PDE1C: variants seen among roughly 807,000 people sequenced by gnomAD.
The protein encoded by PDE1C is dual specificity calcium/calmodulin-dependent 3',5'-cyclic nucleotide phosphodiesterase 1C.
PDE1C carries 62 observed loss-of-function variants against 93.1 expected under a neutral mutation model. The observed-to-expected ratio is 0.67, with a 90% confidence interval of 0.54 to 0.82. PDE1C has a LOEUF of 0.82. Ranked by LOEUF, PDE1C falls within the 40% of genes least tolerant of loss-of-function variation. The probability of loss-of-function intolerance (pLI) is 0.00; values close to 1 mark genes in which losing one functional copy is unlikely to be tolerated. For missense variants in PDE1C, 742 were observed against 884.6 expected, an observed-to-expected ratio of 0.84 and a Z score of 2.04; for synonymous variants, 325 against 310.1, an observed-to-expected ratio of 1.05 and a Z score of -0.50.
chr7:32,217,089 C>T (rs1294844129), intron 1 of PDE1C, among the ~76,000 whole-genome samples: 2 of 152,196 alleles, frequency 1.3e-5, no homozygotes, highest in Admixed American at 6.5e-5. Context: ...AAGCTACTGA[C>T]AAAGGGAGGA....
chr7:31,643,824 G>A, the PDE1C span: 3 of 1,613,944 alleles, frequency 1.9e-6, no homozygotes, highest in Non-Finnish European at 2.5e-6. Context: ...GCCACGGGGA[G>A]AGGCAAAGCC....
At chr7:31,672,526 T>G in the PDE1C span, among the ~76,000 whole-genome samples, 5 of 152,126 alleles carry the variant, frequency 3.3e-5, no homozygotes, top group African/African-American at 1.2e-4. Context: ...GGTAATGAGG[T>G]TATACATTTT....
Position 32,335,956 on chromosome 7 carries a change from C to T in PDE1C, c.310+91866G>A, listed in dbSNP as rs545108032. ...TGTTGCCCAGAGTGATCTCAAACAC[C>T]TGGGCTTACAGGCATGAGTCACCAC... On this transcript the variant is annotated intron_variant, in intron 1 of 1. Coordinates refer to the PDE1C transcript ENST00000672256. 8.5e-5 allele frequency among the ~76,000 whole-genome samples: 13 copies of T among 152,152 alleles called. No homozygotes were observed. The South Asian group carries it at 2.7e-3, about 32-fold the overall frequency.
chr7:32,099,613 C>T (rs1017292802), intron 3 of PDE1C, among the ~76,000 whole-genome samples: 7 of 152,160 alleles, frequency 4.6e-5, no homozygotes, highest in Non-Finnish European at 1.0e-4. Flanking sequence ...CTCTGGATTC[C>T]TTTTATTTGC....
intron 2 of PDE1C, among the ~76,000 whole-genome samples, chr7:32,022,551 G>A (rs774904930): frequency 2.6e-5 from 4 of 152,008 alleles, no homozygotes; most frequent in Non-Finnish European, 5.9e-5. Flanking sequence ...AGCACAGAAG[G>A]TGGTATCGGG....
chr7:31,925,061 G>C (rs1170800176), intron 2 of PDE1C, among the ~76,000 whole-genome samples: 2 of 137,042 alleles, frequency 1.5e-5, no homozygotes, highest in African/African-American at 5.8e-5. Context: ...GTGTGTGTGT[G>C]TGTGTGTGTG....
intron 3 of PDE1C, among the ~76,000 whole-genome samples, chr7:32,108,230 C>CAAAAAAAAAAAAAAAAA (rs71559210): frequency 3.9e-5 from 3 of 77,062 alleles, no homozygotes; most frequent in African/African-American, 5.1e-5. Context: ...AAAAGCAAGA[C>CAAAAAAAAAAAAAAAAA]AAAAAAAAAA....
At chr7:31,998,180 C>T (rs1784985828) in intron 2 of PDE1C, among the ~76,000 whole-genome samples, 1 of 151,874 alleles carries the variant, frequency 6.6e-6, no homozygotes, top group African/African-American at 2.4e-5. Flanking sequence ...CCACTATGCC[C>T]AGCTAATTTT....
intron 2 of PDE1C, among the ~76,000 whole-genome samples, chr7:32,000,176 G>T (rs908972204): frequency 6.6e-6 from 1 of 152,096 alleles, no homozygotes; most frequent in Non-Finnish European, 1.5e-5. Context: ...GGGCTTCACC[G>T]CTCAGGAAAG....
intron 2 of PDE1C, among the ~76,000 whole-genome samples, chr7:31,965,042 T>G (rs916519846): frequency 6.6e-6 from 1 of 152,086 alleles, no homozygotes; most frequent in Non-Finnish European, 1.5e-5. Context: ...ACTCTAAAAA[T>G]CAGAGTGCCT....
downstream of PDE1C, among the ~76,000 whole-genome samples, chr7:31,747,447 G>T (rs1029804114): frequency 6.6e-6 from 1 of 152,096 alleles, no homozygotes; most frequent in African/African-American, 2.4e-5. Context: ...TTTTGAAACC[G>T]ACTATGCTAG....
intron 2 of PDE1C, among the ~76,000 whole-genome samples, chr7:31,900,787 C>T (rs763723275): frequency 1.3e-5 from 2 of 151,724 alleles, no homozygotes; most frequent in Admixed American, 1.3e-4. Context: ...CTTTAAAAAT[C>T]TAAAAATTAA....
intron 3 of PDE1C, among the ~76,000 whole-genome samples, chr7:32,146,453 C>A (rs775051702): frequency 2.0e-4 from 30 of 152,266 alleles, no homozygotes; most frequent in Middle Eastern, 3.4e-3. Flanking sequence ...ATGGCCCCTT[C>A]CTCCATTTTC....
intron 1 of PDE1C, among the ~76,000 whole-genome samples, chr7:32,340,642 A>G (rs1585116843): frequency 6.6e-6 from 1 of 152,362 alleles, no homozygotes; most frequent in East Asian, 1.9e-4. Context: ...TATCCAGACA[A>G]TGGCATATTA....
rs539907512 is a variant in PDE1C, at chr7:31,984,076, G to T, written c.128+67478C>A. ...GGAGGAGGAAGAGTACCTGAAGGCG[G>T]TATGATAGAGGTGGAGAGGAAAGGG... is the stretch of plus-strand genomic sequence containing the variant. On this transcript the variant is annotated intron_variant, in intron 2 of 17. Transcript: ENST00000396191. 2.1e-5 allele frequency among the ~76,000 whole-genome samples: 3 copies of T among 144,878 alleles called. No individual in the cohort carries two copies. In the South Asian group the frequency reaches 6.5e-4, roughly 31 times the overall value.
chr7:32,158,369 C>T (rs1229952900), intron 3 of PDE1C, among the ~76,000 whole-genome samples: 1 of 152,150 alleles, frequency 6.6e-6, no homozygotes, highest in African/African-American at 2.4e-5. Flanking sequence ...CATAACTGAG[C>T]TGACTTCCAG....
chr7:31,652,879 G>C, the PDE1C span: 1 of 1,565,044 alleles, frequency 6.4e-7, no homozygotes, highest in Non-Finnish European at 8.7e-7. Context: ...GCCCAGAACA[G>C]ATGTAGCAAG....
intron 2 of PDE1C, among the ~76,000 whole-genome samples, chr7:31,977,611 T>A (rs1434692568): frequency 6.6e-6 from 1 of 152,136 alleles, no homozygotes; most frequent in African/African-American, 2.4e-5. Flanking sequence ...CTGACCCAAA[T>A]TACTTTGTAT....
chr7:32,127,642 T>C (rs32303), intron 3 of PDE1C, among the ~76,000 whole-genome samples: 50,352 of 151,756 alleles, frequency 0.33, 9,000 homozygotes, highest in South Asian at 0.41. Context: ...AGCAAGACAA[T>C]ATAATAGGGG....
Sources: allele counts gnomAD v4.1 joint callset (sites outside exome capture counted in the v4.1 genomes callset), GRCh38; gene constraint gnomAD v4.1.1; transcripts MANE v1.5; gene names NCBI Gene and HGNC (gene_info 2026-07-23, HGNC 2026-07-21).